The following PRKN variants were observed in gnomAD, a reference collection of about 807,000 sequenced individuals.
PRKN encodes E3 ubiquitin-protein ligase parkin.
PRKN carries 56 observed loss-of-function variants against 59.5 expected under a neutral mutation model. That is an observed-to-expected ratio of 0.94 (90% CI 0.76 to 1.18). PRKN has a LOEUF of 1.18. PRKN is among the 50% of genes most tolerant of loss of function. PRKN has a pLI of 0.00. For synonymous variants in PRKN, 250 were observed against 222.1 expected (o/e 1.13, Z -1.12); for missense variants, 657 against 596.4 (o/e 1.10, Z -1.06).
chr6:161,721,086 G>T (rs148989763), intron 7 of PRKN, among the ~76,000 whole-genome samples: 239 of 152,266 alleles, frequency 1.6e-3, no homozygotes, highest in African/African-American at 5.0e-3. Flanking sequence ...CGATCCATGG[G>T]CAGAGGTCCC....
At chr6:162,034,186 T>TATATAGAGAGAGAG (rs1349695864) in intron 5 of PRKN, among the ~76,000 whole-genome samples, 4 of 133,286 alleles carry the variant, frequency 3.0e-5, no homozygotes, top group Admixed American at 1.5e-4. Flanking sequence ...TATATATATA[T>TATATAGAGAGAGAG]AGAGAGAGAG....
chr6:162,281,461 T>A (rs1264021359), intron 2 of PRKN, among the ~76,000 whole-genome samples: 1 of 152,102 alleles, frequency 6.6e-6, no homozygotes, highest in Non-Finnish European at 1.5e-5. Flanking sequence ...ACTACAAAAT[T>A]TTTAGGATGA....
chr6:161,476,649 A>C (rs1296780000), intron 9 of PRKN, among the ~76,000 whole-genome samples: 2 of 152,226 alleles, frequency 1.3e-5, no homozygotes, highest in Non-Finnish European at 2.9e-5. Context: ...TCAGGAAGTC[A>C]GGGCAGCCGG....
At chr6:161,974,125 G>A (rs775291015) in intron 5 of PRKN, among the ~76,000 whole-genome samples, 38 of 152,254 alleles carry the variant, frequency 2.5e-4, no homozygotes, top group Middle Eastern at 6.8e-3. Context: ...AAATTAGCCG[G>A]GCATGACGGC....
chr6:161,794,550 C>A (rs538001768), intron 6 of PRKN, among the ~76,000 whole-genome samples: 1 of 152,284 alleles, frequency 6.6e-6, no homozygotes, highest in Admixed American at 6.5e-5. Context: ...GAACTAGTTT[C>A]GCAGTGCCCA....
At chr6:162,378,254 T>A (rs1786230661) in intron 2 of PRKN, among the ~76,000 whole-genome samples, 2 of 152,242 alleles carry the variant, frequency 1.3e-5, no homozygotes, top group Non-Finnish European at 1.5e-5. Flanking sequence ...CTATTTTAAG[T>A]GAAACAATTT....
At chr6:162,154,861 T>A (rs1782435812) in intron 4 of PRKN, among the ~76,000 whole-genome samples, 1 of 152,022 alleles carries the variant, frequency 6.6e-6, no homozygotes, top group Admixed American at 6.6e-5. Context: ...ATATATTTTC[T>A]TTCTTTGATA....
intron 7 of PRKN, among the ~76,000 whole-genome samples, chr6:161,644,489 C>T (rs547943113): frequency 7.2e-5 from 11 of 152,328 alleles, no homozygotes; most frequent in Admixed American, 5.2e-4. Context: ...ACGTGGATTT[C>T]GCCTGCCTGG....
intron 7 of PRKN, among the ~76,000 whole-genome samples, chr6:161,673,857 G>A (rs1394406213): frequency 6.6e-6 from 1 of 152,200 alleles, no homozygotes; most frequent in Non-Finnish European, 1.5e-5. Flanking sequence ...TGATGCTTGT[G>A]TCCATTTATG....
At chr6:161,730,090 T>C (rs1787616003) in intron 7 of PRKN, among the ~76,000 whole-genome samples, 1 of 152,210 alleles carries the variant, frequency 6.6e-6, no homozygotes, top group South Asian at 2.1e-4. Context: ...TCTGATATGT[T>C]GCACTCTGAT....
intron 1 of PRKN, among the ~76,000 whole-genome samples, chr6:162,604,673 A>C (rs1024173588): frequency 2.7e-5 from 4 of 145,898 alleles, no homozygotes; most frequent in Non-Finnish European, 3.0e-5. Context: ...CCTTTTCCCC[A>C]CAGGCCCTGT....
At chr6:161,957,330 A>C (rs1368669154) in intron 6 of PRKN, among the ~76,000 whole-genome samples, 1 of 152,118 alleles carries the variant, frequency 6.6e-6, no homozygotes, top group African/African-American at 2.4e-5. Flanking sequence ...AGGGTAAATG[A>C]CTAGTTCAAG....
chr6:162,276,059 A>G (rs1465375638), intron 2 of PRKN, among the ~76,000 whole-genome samples: 1 of 152,176 alleles, frequency 6.6e-6, no homozygotes, highest in African/African-American at 2.4e-5. Flanking sequence ...ATGGTTAGAG[A>G]TACTCATTGC....
chr6:161,378,196 C>T lies in PRKN; in HGVS notation c.1167+8598G>A, dbSNP rs1785807608. Among the ~76,000 whole-genome samples, 1 of 152,096 alleles carries T rather than the reference C, an allele frequency of 6.6e-6. No homozygotes were observed. Among genetic ancestry groups the T allele is most frequent in the Admixed American group, 6.6e-5 (1 of 15,266 alleles). On this transcript the variant is annotated intron_variant, in intron 10 of 11. Transcript: ENST00000366898. The surrounding 1 kb of genome is among the most constrained non-coding windows in gnomAD (Gnocchi z 7.3). Reference sequence around the variant, plus strand: ...AGGACATGTCCGCATGTTTGCACAGCATGGCAGAGCTCACAGGAGAGCACT... The same window carrying T: ...AGGACATGTCCGCATGTTTGCACAGTATGGCAGAGCTCACAGGAGAGCACT...
intron 1 of PRKN, among the ~76,000 whole-genome samples, chr6:162,671,431 G>A (rs1421156326): frequency 4.6e-5 from 7 of 151,464 alleles, no homozygotes; most frequent in Admixed American, 6.6e-5. Flanking sequence ...CCCGGAAGGC[G>A]GAGGATGCAG....
rs1787721645 is a variant in PRKN, at chr6:161,414,077, A to T, written c.1084-27200T>A. Reference sequence around the variant, plus strand: ...TGGGCCGAGGTGGGGAGGGTCAGTGAGGGCAGGGTACTGGTGTCATTTTAA... The same window carrying T: ...TGGGCCGAGGTGGGGAGGGTCAGTGTGGGCAGGGTACTGGTGTCATTTTAA... On this transcript the variant is annotated intron_variant, in intron 9 of 11. Transcript: ENST00000366898. The surrounding 1 kb of genome is among the most constrained non-coding windows in gnomAD (Gnocchi z 5.3). Among the ~76,000 whole-genome samples, 1 of 152,126 alleles carries T rather than the reference A, an allele frequency of 6.6e-6. No homozygotes were observed. Among genetic ancestry groups the T allele is most frequent in the Admixed American group, 6.5e-5 (1 of 15,270 alleles).
chr6:162,398,723 C>T lies in PRKN; in HGVS notation c.171+44587G>A, dbSNP rs182701895. 3.3e-3 allele frequency among the ~76,000 whole-genome samples: 507 copies of T among 152,312 alleles called. 2 individuals are homozygous for T. The highest frequency in any genetic ancestry group is 6.8e-3 in the Middle Eastern group (2 of 292). ...TCTTTTAACTTCATCAGGATCTTCACTTTATTTTCAGGGAAACAAATATGC... is the reference window on the plus strand; with the variant it reads ...TCTTTTAACTTCATCAGGATCTTCATTTTATTTTCAGGGAAACAAATATGC... On this transcript the variant is annotated intron_variant, in intron 2 of 11. Coordinates refer to ENST00000366898, the MANE Select transcript of PRKN (RefSeq NM_004562.3).
intron 2 of PRKN, among the ~76,000 whole-genome samples, chr6:162,308,637 T>C (rs959086199): frequency 3.3e-5 from 5 of 152,298 alleles, no homozygotes; most frequent in East Asian, 3.9e-4. Context: ...TTTGTGGTAA[T>C]GTAATTTTCC....
intron 1 of PRKN, among the ~76,000 whole-genome samples, chr6:162,513,831 A>G (rs1688489470): frequency 6.6e-6 from 1 of 152,148 alleles, no homozygotes; most frequent in South Asian, 2.1e-4. Context: ...AGGCAGGTGG[A>G]CCACTTGAAG....
Sources: allele counts gnomAD v4.1 joint callset (sites outside exome capture counted in the v4.1 genomes callset), GRCh38; gene constraint gnomAD v4.1.1; non-coding constraint Gnocchi (gnomAD v3.1); transcripts MANE v1.5; gene names NCBI Gene and HGNC (gene_info 2026-07-23, HGNC 2026-07-21).